Variants in TENM3 observed in about 807,000 individuals in gnomAD.
The protein encoded by TENM3 is teneurin transmembrane protein 3.
In TENM3, 63 loss-of-function variants were observed where a neutral mutation model predicts 255.1. That is an observed-to-expected ratio of 0.25 (90% confidence interval 0.20 to 0.30). The LOEUF (loss-of-function observed/expected upper bound fraction) is 0.30, where lower values mean the gene tolerates loss of function less well. Among genes scored for constraint, TENM3 ranks in the 10% least tolerant of loss-of-function variants. TENM3 has a pLI of 1.00. For missense variants in TENM3, 2,929 were observed against 3,461.1 expected (o/e 0.85, Z 3.86); for synonymous variants, 1,306 against 1,322.3 (o/e 0.99, Z 0.27).
intron 1 of TENM3, among the ~76,000 whole-genome samples, chr4:182,236,668 A>G (rs112050340): frequency 0.023 from 3,563 of 152,354 alleles, 64 homozygotes; most frequent in Admixed American, 0.034. Context: ...ATGTGAATTA[A>G]GAAACTTTTC....
At chr4:181,817,960 G>T in the TENM3 span, among the ~76,000 whole-genome samples, 2 of 152,204 alleles carry the variant, frequency 1.3e-5, no homozygotes, top group Non-Finnish European at 2.9e-5. Flanking sequence ...GTAGTGGTTT[G>T]TTGCTGGTCT....
At chr4:182,111,361 T>C in the TENM3 span, among the ~76,000 whole-genome samples, 1 of 152,192 alleles carries the variant, frequency 6.6e-6, no homozygotes, top group African/African-American at 2.4e-5. Flanking sequence ...TCTCACTCAC[T>C]GAGGCCTTTT....
At chr4:182,009,941 G>A in the TENM3 span, among the ~76,000 whole-genome samples, 1 of 151,970 alleles carries the variant, frequency 6.6e-6, no homozygotes, top group Non-Finnish European at 1.5e-5. Context: ...TTGGCTGGGG[G>A]GAGGGGGTTC....
chr4:181,920,393 C>G, the TENM3 span, among the ~76,000 whole-genome samples: 1 of 151,952 alleles, frequency 6.6e-6, no homozygotes, highest in South Asian at 2.1e-4. Flanking sequence ...TCTCCAGCAC[C>G]TGTTGTTTCC....
At chr4:181,814,789 G>A in the TENM3 span, among the ~76,000 whole-genome samples, 1 of 152,046 alleles carries the variant, frequency 6.6e-6, no homozygotes, top group Admixed American at 6.6e-5. Flanking sequence ...GCAAACATTT[G>A]GGACTAGCAA....
At chr4:182,684,258 T>C (rs1336699989) in intron 11 of TENM3, among the ~76,000 whole-genome samples, 2 of 151,120 alleles carry the variant, frequency 1.3e-5, no homozygotes, top group Non-Finnish European at 2.9e-5. Context: ...ACTAGCAGTG[T>C]TGAGTGAATA....
At chr4:181,623,201 C>T in the TENM3 span, among the ~76,000 whole-genome samples, 14,788 of 152,210 alleles carry the variant, frequency 0.097, 830 homozygotes, top group South Asian at 0.2. Flanking sequence ...CTTTACAAGC[C>T]GTGCGACATT....
chr4:182,430,323 C>A (rs937996734), intron 3 of TENM3, among the ~76,000 whole-genome samples: 1 of 152,006 alleles, frequency 6.6e-6, no homozygotes, highest in African/African-American at 2.4e-5. Flanking sequence ...CCGAGGCAGG[C>A]GGATCACGAG....
intron 1 of TENM3, among the ~76,000 whole-genome samples, chr4:182,160,320 A>C (rs1012950755): frequency 3.3e-5 from 5 of 152,172 alleles, no homozygotes; most frequent in Admixed American, 1.3e-4. Flanking sequence ...TCTTTTTTTA[A>C]AAAAATGAAA....
At chr4:182,201,671 T>TG (rs1258480909) in intron 1 of TENM3, among the ~76,000 whole-genome samples, 5 of 149,760 alleles carry the variant, frequency 3.3e-5, no homozygotes, top group Non-Finnish European at 5.9e-5. Flanking sequence ...CATGGCAGGG[T>TG]GGGGGGTCTG....
At chr4:181,453,731 A>G in the TENM3 span, among the ~76,000 whole-genome samples, 1 of 152,078 alleles carries the variant, frequency 6.6e-6, no homozygotes, top group Non-Finnish European at 1.5e-5. Flanking sequence ...TTGAGAGGAA[A>G]CAGCAAAGTC....
chr4:182,060,274 C>T, the TENM3 span, among the ~76,000 whole-genome samples: 29 of 152,168 alleles, frequency 1.9e-4, no homozygotes, highest in Non-Finnish European at 5.9e-5. Context: ...TCTATGGCAG[C>T]AGTCCCCAAC....
the TENM3 span, among the ~76,000 whole-genome samples, chr4:181,472,343 A>G: frequency 6.6e-6 from 1 of 151,774 alleles, no homozygotes. Context: ...CCTTACAACA[A>G]GACATTCGAG....
chr4:181,844,776 T>G, the TENM3 span, among the ~76,000 whole-genome samples: 1 of 152,224 alleles, frequency 6.6e-6, no homozygotes, highest in Non-Finnish European at 1.5e-5. Flanking sequence ...TCTCCCAAGA[T>G]GCTCTTCGGG....
the TENM3 span, among the ~76,000 whole-genome samples, chr4:182,078,871 G>C: frequency 6.6e-6 from 1 of 152,172 alleles, no homozygotes; most frequent in Non-Finnish European, 1.5e-5. Context: ...AAGTAGAATG[G>C]GAAGGTCATG....
At chr4:181,495,857 C>T in the TENM3 span, among the ~76,000 whole-genome samples, 1 of 145,842 alleles carries the variant, frequency 6.9e-6, no homozygotes, top group Non-Finnish European at 1.5e-5. Flanking sequence ...CTAGAAAATG[C>T]CCAGCAAAAT....
At chr4:182,025,810 A>AT in the TENM3 span, among the ~76,000 whole-genome samples, 1 of 152,038 alleles carries the variant, frequency 6.6e-6, no homozygotes, top group African/African-American at 2.4e-5. Context: ...CCTGTTTGCC[A>AT]TTATAAGTCT....
At chr4:182,004,892 A>G in the TENM3 span, among the ~76,000 whole-genome samples, 1 of 152,096 alleles carries the variant, frequency 6.6e-6, no homozygotes. Context: ...GTCTCTTCAT[A>G]TCCTTTACCC....
chr4:181,448,502 A>G, the TENM3 span, among the ~76,000 whole-genome samples: 2 of 152,126 alleles, frequency 1.3e-5, no homozygotes, highest in Non-Finnish European at 2.9e-5. Context: ...GGAATTTTAT[A>G]CAGAAGAGGT....
Sources: allele counts gnomAD v4.1 joint callset (sites outside exome capture counted in the v4.1 genomes callset), GRCh38; gene constraint gnomAD v4.1.1; transcripts MANE v1.5; gene names NCBI Gene and HGNC (gene_info 2026-07-23, HGNC 2026-07-21).